TBC1D1: variants seen among roughly 807,000 people sequenced by gnomAD.
TBC1D1 encodes TBC1 domain family member 1.
A neutral mutation model predicts 125.6 loss-of-function variants in TBC1D1; 89 were observed. That is an observed-to-expected ratio of 0.71 (90% CI 0.60 to 0.85). The LOEUF (loss-of-function observed/expected upper bound fraction) is 0.85, where lower values mean the gene tolerates loss of function less well. Ranked by LOEUF, TBC1D1 falls within the 40% of genes least tolerant of loss-of-function variation. TBC1D1 has a pLI of 0.00. For missense variants in TBC1D1, 1,377 were observed against 1,469.2 expected, an observed-to-expected ratio of 0.94 and a Z score of 1.03; for synonymous variants, 565 against 564.1, an observed-to-expected ratio of 1.00 and a Z score of -0.02.
At chr4:37,978,646 A>G (rs975819547) in intron 2 of TBC1D1, among the ~76,000 whole-genome samples, 3 of 143,982 alleles carry the variant, frequency 2.1e-5, no homozygotes, top group Admixed American at 6.8e-5. Flanking sequence ...GTTTTTAGGT[A>G]GATTTTCTTA....
chr4:37,939,335 T>C (rs1560504273), intron 2 of TBC1D1, among the ~76,000 whole-genome samples: 1 of 152,258 alleles, frequency 6.6e-6, no homozygotes, highest in East Asian at 1.9e-4. Context: ...TTTTGAGAAG[T>C]GTCTGTTCCT....
chr4:37,980,948 C>CTTTTT (rs58830277), intron 2 of TBC1D1, among the ~76,000 whole-genome samples: 1 of 146,686 alleles, frequency 6.8e-6, no homozygotes, highest in East Asian at 2.0e-4. Context: ...AAAAAGGAAT[C>CTTTTT]TTTTTTTTTT....
chr4:37,951,902 A>C (rs751433712), intron 2 of TBC1D1: 3 of 701,902 alleles, frequency 4.3e-6, no homozygotes, highest in Non-Finnish European at 2.7e-6. Flanking sequence ...TTCAGGTGAT[A>C]ATGGGTATGT....
chr4:37,907,616 G>A (rs1373228265), intron 2 of TBC1D1, among the ~76,000 whole-genome samples: 1 of 152,146 alleles, frequency 6.6e-6, no homozygotes, highest in Non-Finnish European at 1.5e-5. Flanking sequence ...AAGGTCCTGG[G>A]TTAAAATGTA....
intron 12 of TBC1D1, among the ~76,000 whole-genome samples, chr4:38,062,980 G>A (rs1753042489): frequency 6.6e-6 from 1 of 152,082 alleles, no homozygotes. Context: ...GACCCATGAC[G>A]ATGCTACAGC....
intron 2 of TBC1D1, among the ~76,000 whole-genome samples, chr4:37,921,747 T>G (rs1327785029): frequency 1.3e-5 from 2 of 151,948 alleles, no homozygotes; most frequent in East Asian, 3.9e-4. Flanking sequence ...TCCTGTTTTT[T>G]GGGGGCTAGG....
At chr4:38,112,334 C>T (rs1438962343) in intron 15 of TBC1D1, among the ~76,000 whole-genome samples, 1 of 152,222 alleles carries the variant, frequency 6.6e-6, no homozygotes, top group Non-Finnish European at 1.5e-5. Flanking sequence ...AATGGCTCTG[C>T]AAAGTTGTTC....
intron 2 of TBC1D1, among the ~76,000 whole-genome samples, chr4:37,928,911 G>A (rs1722701781): frequency 6.6e-6 from 1 of 152,144 alleles, no homozygotes; most frequent in Non-Finnish European, 1.5e-5. Context: ...TGAACCACAG[G>A]CAAAATTCTC....
intron 15 of TBC1D1, among the ~76,000 whole-genome samples, chr4:38,112,514 C>T (rs1205185695): frequency 5.9e-5 from 9 of 152,130 alleles, no homozygotes; most frequent in African/African-American, 1.9e-4. Flanking sequence ...AGGCATTGTA[C>T]GTGTACTCTC....
chr4:37,960,558 T>G, intron 2 of TBC1D1: 2 of 1,614,030 alleles, frequency 1.2e-6, no homozygotes, highest in East Asian at 2.2e-5. Flanking sequence ...ATCTCAAGTT[T>G]TAACACGACG....
intron 18 of TBC1D1, among the ~76,000 whole-genome samples, chr4:38,132,364 T>G (rs6837834): frequency 1.3e-5 from 2 of 152,150 alleles, no homozygotes; most frequent in Non-Finnish European, 2.9e-5. Context: ...CTTCTGATTC[T>G]GCTTTCCGCC....
At chr4:38,116,575 G>A (rs868489669) in intron 16 of TBC1D1, among the ~76,000 whole-genome samples, 1 of 152,150 alleles carries the variant, frequency 6.6e-6, no homozygotes, top group Non-Finnish European at 1.5e-5. Context: ...GAGAGGGAAG[G>A]GATCTTACGG....
rs774763747 is a variant in TBC1D1, at chr4:38,115,760, C to A, written c.2608C>A (p.Gln870Lys). The change falls in exon 16 of 20, where the codon CAG becomes AAG. Residue 870 changes from glutamine (Q) to lysine (K), a missense_variant. Physicochemically the swap from Gln to Lys is moderately conservative, Grantham distance 53 (BLOSUM62 1). Transcript: ENST00000261439. Reference sequence around the variant, plus strand: ...CTTCTCTGCCCAGCTTGGAGCAGGACAGCTATCGCTTTACAACATTTTGAA... The same window carrying A: ...CTTCTCTGCCCAGCTTGGAGCAGGAAAGCTATCGCTTTACAACATTTTGAA... 3.3e-5 allele frequency: 53 copies of A among 1,614,054 alleles called. No individual in the cohort carries two copies. The highest frequency in any genetic ancestry group is 4.3e-5 in the Non-Finnish European group (51 of 1,180,032).
At chr4:37,984,756 T>C (rs545332571) in intron 2 of TBC1D1, among the ~76,000 whole-genome samples, 1 of 151,638 alleles carries the variant, frequency 6.6e-6, no homozygotes, top group South Asian at 2.1e-4. Context: ...GGCACGAGAA[T>C]TCCTTGAGCC....
At chr4:37,972,106 A>G (rs1193729580) in intron 2 of TBC1D1, among the ~76,000 whole-genome samples, 1 of 152,162 alleles carries the variant, frequency 6.6e-6, no homozygotes. Context: ...GGAAACTATC[A>G]GTGTCTTTGA....
intron 18 of TBC1D1, among the ~76,000 whole-genome samples, chr4:38,129,175 C>T (rs1434348337): frequency 6.6e-6 from 1 of 152,180 alleles, no homozygotes; most frequent in African/African-American, 2.4e-5. Flanking sequence ...GTGGGCAACT[C>T]TGTTAGAAAC....
intron 1 of TBC1D1, among the ~76,000 whole-genome samples, chr4:37,900,544 A>G (rs1183686948): frequency 6.6e-6 from 1 of 152,096 alleles, no homozygotes; most frequent in African/African-American, 2.4e-5. Flanking sequence ...GGGAGATAGC[A>G]GTGAATCAGA....
At chr4:38,115,483 A>C (rs1344000549) in intron 15 of TBC1D1, among the ~76,000 whole-genome samples, 2 of 152,208 alleles carry the variant, frequency 1.3e-5, no homozygotes, top group African/African-American at 4.8e-5. Context: ...TACTTCCACC[A>C]AAAAATAAAT....
chr4:37,976,249 AG>A (rs1329710775), intron 2 of TBC1D1, among the ~76,000 whole-genome samples: 1 of 152,230 alleles, frequency 6.6e-6, no homozygotes, highest in East Asian at 1.9e-4. Context: ...TATGTGAATG[AG>A]CATGGAAGTG....
Sources: gnomAD v4.1 joint callset for allele counts (sites outside exome capture counted in the v4.1 genomes callset) on GRCh38, gnomAD v4.1.1 for gene constraint, MANE v1.5 for transcripts, NCBI Gene and HGNC (gene_info 2026-07-23, HGNC 2026-07-21) for gene names.